SEC11A: variants seen among roughly 807,000 people sequenced by gnomAD.
SEC11A encodes the protein SEC11 homolog A, signal peptidase complex subunit, also known as signal peptidase complex catalytic subunit SEC11A.
A neutral mutation model predicts 25.6 loss-of-function variants in SEC11A; 14 were observed. The observed-to-expected ratio is 0.55, with a 90% CI of 0.36 to 0.85. The LOEUF is 0.85. SEC11A is among the 40% of genes least tolerant of loss of function. The pLI is 0.01. For missense variants in SEC11A, 153 were observed against 222.9 expected, an observed-to-expected ratio of 0.69 and a Z score of 2.00; for synonymous variants, 83 against 76.4, an observed-to-expected ratio of 1.09 and a Z score of -0.45.
chr15:84,671,430 T>C (rs1312871057), intron 4 of SEC11A: 1 of 152,258 alleles, frequency 6.6e-6, no homozygotes, highest in African/African-American at 2.4e-5. Context: ...GGTTTCTTAA[T>C]GTACCACAGA....
At chr15:84,701,165 GAAAA>G (rs34721959) in intron 1 of SEC11A, among the ~76,000 whole-genome samples, 1 of 118,358 alleles carries the variant, frequency 8.4e-6, no homozygotes, top group Admixed American at 8.7e-5. Context: ...AAGCAAATAG[GAAAA>G]AAAAAAAAAA....
At chr15:84,688,913 C>G (rs950986496) in intron 2 of SEC11A, among the ~76,000 whole-genome samples, 1 of 151,940 alleles carries the variant, frequency 6.6e-6, no homozygotes. Flanking sequence ...CGCCTGTAAT[C>G]CCAGCTACTC....
chr15:84,712,014 G>A (rs896967506), intron 1 of SEC11A, among the ~76,000 whole-genome samples: 1 of 152,052 alleles, frequency 6.6e-6, no homozygotes, highest in Non-Finnish European at 1.5e-5. Context: ...TCCGAGGTGG[G>A]AGGATCACTC....
chr15:84,704,379 G>A (rs994826922), intron 1 of SEC11A, among the ~76,000 whole-genome samples: 1 of 152,140 alleles, frequency 6.6e-6, no homozygotes. Context: ...TGAAGTAGCT[G>A]GCCTGAAATA....
chr15:84,704,613 G>A (rs908404285), intron 1 of SEC11A, among the ~76,000 whole-genome samples: 21 of 152,176 alleles, frequency 1.4e-4, no homozygotes, highest in African/African-American at 4.6e-4. Context: ...GTGGGTCTGT[G>A]TGTTGGAAGC....
At chr15:84,713,639 G>A (rs1898359455) in intron 1 of SEC11A, among the ~76,000 whole-genome samples, 1 of 152,172 alleles carries the variant, frequency 6.6e-6, no homozygotes, top group Non-Finnish European at 1.5e-5. Context: ...CTCCATATTA[G>A]AGAAACACAG....
intron 3 of SEC11A, among the ~76,000 whole-genome samples, chr15:84,684,284 G>A (rs1008596332): frequency 2.0e-5 from 3 of 152,150 alleles, no homozygotes; most frequent in Non-Finnish European, 2.9e-5. Context: ...GGTACCCAGT[G>A]GGAGGTAATT....
chr15:84,715,407 C>A (rs1254751675), intron 1 of SEC11A, among the ~76,000 whole-genome samples: 1 of 152,176 alleles, frequency 6.6e-6, no homozygotes, highest in Non-Finnish European at 1.5e-5. Flanking sequence ...ATCCCCGTGG[C>A]ACTGATATTG....
intron 1 of SEC11A, among the ~76,000 whole-genome samples, chr15:84,701,824 C>T (rs1461014253): frequency 1.3e-5 from 2 of 152,072 alleles, no homozygotes; most frequent in African/African-American, 2.4e-5. Context: ...AATCCCAGCA[C>T]ATTGGGAGGC....
intron 1 of SEC11A, among the ~76,000 whole-genome samples, chr15:84,695,554 C>A (rs1897742664): frequency 6.6e-6 from 1 of 152,080 alleles, no homozygotes; most frequent in Non-Finnish European, 1.5e-5. Context: ...TCACTTGAAC[C>A]CAGGACGTAA....
rs1259904468 is a variant in SEC11A at position 84,689,513 on chromosome 15, A to G, written c.162-1739T>C. On this transcript the variant is annotated intron_variant, in intron 2 of 5. Coordinates refer to ENST00000268220, the MANE Select transcript of SEC11A (RefSeq NM_014300.4). ...GATTCTAGATAATATTAATAATTCC[A>G]TTTATTTTAAATATGCACTCCATTA... Among the ~76,000 whole-genome samples, 3 of 151,986 alleles carry G rather than the reference A, an allele frequency of 2.0e-5. No homozygotes were observed. In the East Asian group the frequency reaches 5.8e-4, roughly 29 times the overall value.
In SEC11A at chr15:84,669,967, C is replaced by T. The variant is rs750575376; in HGVS notation, c.*52G>A. The stretch of plus-strand genomic sequence containing the variant: ...ATCACAGACCAGTATCTACTCCAAA[C>T]ATCCAGTAACGAAAACTATGGCATC... On this transcript the variant is annotated 3_prime_UTR_variant, in exon 6 of 6. Coordinates refer to ENST00000268220, the MANE Select transcript of SEC11A (RefSeq NM_014300.4). 2 of 1,612,276 alleles carry T rather than the reference C, an allele frequency of 1.2e-6. No individual in the cohort carries two copies. The highest frequency in any genetic ancestry group is 1.7e-6 in the Non-Finnish European group (2 of 1,179,282).
intron 4 of SEC11A, among the ~76,000 whole-genome samples, chr15:84,678,200 GGCAAAAGA>G (rs1700260608): frequency 1.3e-5 from 2 of 150,992 alleles, no homozygotes; most frequent in Admixed American, 6.6e-5. Flanking sequence ...CTCCAGCCTG[GGCAAAAGA>G]GCAAGACTCT....
At chr15:84,673,983 G>A (rs1036543597) in intron 4 of SEC11A, among the ~76,000 whole-genome samples, 19 of 152,018 alleles carry the variant, frequency 1.2e-4, no homozygotes, top group Non-Finnish European at 2.9e-5. Flanking sequence ...AACTAAGCCA[G>A]GGAATTTCTG....
chr15:84,696,206 G>A (rs1038982443), intron 1 of SEC11A, among the ~76,000 whole-genome samples: 9 of 152,154 alleles, frequency 5.9e-5, no homozygotes, highest in African/African-American at 1.4e-4. Context: ...GAAGCTAAGC[G>A]ACATGCTCAT....
In SEC11A at chr15:84,716,079, G is replaced by A. The variant is rs749104121; in HGVS notation, c.-4C>T. On this transcript the variant is annotated 5_prime_UTR_variant, in exon 1 of 6. Transcript: ENST00000268220. The stretch of plus-strand genomic sequence containing the variant: ...CCAAAAAGTCTAGAGACAGCATGGC[G>A]GGGACGGCGAGCAGGACACCGGCAG... 1.1e-5 allele frequency: 18 copies of A among 1,613,516 alleles called. No individual in the cohort carries two copies. In the East Asian group the frequency reaches 3.1e-4, roughly 28 times the overall value.
intron 2 of SEC11A, among the ~76,000 whole-genome samples, chr15:84,689,631 C>CA (rs1897542333): frequency 7.9e-6 from 1 of 127,182 alleles, no homozygotes; most frequent in African/African-American, 3.0e-5. Context: ...TTTTTTGAGA[C>CA]AAAATTTCAA....
chr15:84,685,573 C>G (rs902209077), intron 3 of SEC11A, among the ~76,000 whole-genome samples: 3 of 151,916 alleles, frequency 2.0e-5, no homozygotes, highest in Non-Finnish European at 4.4e-5. Context: ...CACACCCAGC[C>G]AAACTCACTC....
rs751991735 is a variant in SEC11A, at chr15:84,670,014, G to T, written c.*5C>A. The T allele has an allele frequency of 4.3e-6, 7 of 1,613,538 alleles. No homozygotes were observed. The highest frequency in any genetic ancestry group is 2.2e-5 in the East Asian group (1 of 44,884). Reference sequence around the variant, plus strand: ...CATCTTCCCAGGAACAGCAAGGCAGGCTTCTTACTCACGATGAACCAGCAC... The same window carrying T: ...CATCTTCCCAGGAACAGCAAGGCAGTCTTCTTACTCACGATGAACCAGCAC... On this transcript the variant is annotated 3_prime_UTR_variant, in exon 6 of 6. Coordinates refer to ENST00000268220, the MANE Select transcript of SEC11A (RefSeq NM_014300.4).
Sources: allele counts gnomAD v4.1 joint callset (sites outside exome capture counted in the v4.1 genomes callset), GRCh38; gene constraint gnomAD v4.1.1; transcripts MANE v1.5; gene names NCBI Gene and HGNC (gene_info 2026-07-23, HGNC 2026-07-21).